The following ZNF131 variants were observed in gnomAD, a reference collection of about 807,000 sequenced individuals.
The protein encoded by ZNF131 is zinc finger and BTB domain containing 35.
In ZNF131, 7 loss-of-function variants were observed where a neutral mutation model predicts 60.0. The observed-to-expected ratio is 0.12, with a 90% CI of 0.07 to 0.22. The LOEUF (loss-of-function observed/expected upper bound fraction) is 0.22, where lower values mean the gene tolerates loss of function less well. ZNF131 is among the 10% of genes least tolerant of loss of function. ZNF131 has a pLI of 1.00. For synonymous variants in ZNF131, 257 were observed against 253.2 expected (o/e 1.01, Z -0.14); for missense variants, 493 against 740.9 (o/e 0.67, Z 3.88).
intron 4 of ZNF131, among the ~76,000 whole-genome samples, chr5:43,158,282 T>C (rs1030780858): frequency 6.7e-6 from 1 of 150,284 alleles, no homozygotes; most frequent in African/African-American, 2.5e-5. Flanking sequence ...TTTTTCTGTT[T>C]TGTTTTGTTT....
At chr5:43,136,650 CTTT>C (rs139991070) in intron 3 of ZNF131, among the ~76,000 whole-genome samples, 65 of 122,520 alleles carry the variant, frequency 5.3e-4, no homozygotes, top group African/African-American at 1.9e-3. Flanking sequence ...TTTTCTTTTT[CTTT>C]TTTTTTTTTT....
intron 4 of ZNF131, among the ~76,000 whole-genome samples, chr5:43,143,082 G>A (rs1322879529): frequency 6.6e-6 from 1 of 150,960 alleles, no homozygotes; most frequent in Non-Finnish European, 1.5e-5. Context: ...GAGTGCAGTG[G>A]CGTGATCTCG....
chr5:43,143,268 G>A (rs770437706), intron 4 of ZNF131: 22 of 627,018 alleles, frequency 3.5e-5, no homozygotes, highest in East Asian at 1.2e-4. Flanking sequence ...TGATCTGCCC[G>A]CCTCTGCCTC....
intron 5 of ZNF131, among the ~76,000 whole-genome samples, chr5:43,165,641 C>A (rs561955866): frequency 1.3e-5 from 2 of 152,290 alleles, no homozygotes; most frequent in African/African-American, 4.8e-5. Context: ...TTTGTTCTTC[C>A]GTTTCTGTAG....
chr5:43,154,414 C>CAAA (rs796301323), intron 4 of ZNF131, among the ~76,000 whole-genome samples: 1 of 127,516 alleles, frequency 7.8e-6, no homozygotes, highest in African/African-American at 2.9e-5. Context: ...ACTCCGTCTC[C>CAAA]AAAAAAAAAA....
intron 4 of ZNF131, among the ~76,000 whole-genome samples, chr5:43,159,036 T>G (rs1749311128): frequency 6.6e-6 from 1 of 152,184 alleles, no homozygotes; most frequent in Non-Finnish European, 1.5e-5. Context: ...ATAAATTTCA[T>G]TTTTATACCA....
chr5:43,121,846 G>T, intron 1 of ZNF131, 193 bp from the exon 2 acceptor site: 1 of 476,640 alleles, frequency 2.1e-6, no homozygotes, highest in Non-Finnish European at 3.6e-6. Flanking sequence ...TCGGAGTCCC[G>T]CGGCCGCGGC....
intron 3 of ZNF131, among the ~76,000 whole-genome samples, chr5:43,132,239 G>A (rs1337002591): frequency 6.6e-6 from 1 of 152,072 alleles, no homozygotes; most frequent in East Asian, 1.9e-4. Context: ...ATATACTAAA[G>A]AATAAATGAA....
intron 5 of ZNF131, among the ~76,000 whole-genome samples, chr5:43,163,103 G>T (rs984641242): frequency 6.7e-6 from 1 of 149,620 alleles, no homozygotes; most frequent in East Asian, 2.1e-4. Context: ...TCCTGAGTAA[G>T]CTGGGACTAC....
chr5:43,173,756 A>G (rs1040852477), intron 6 of ZNF131, among the ~76,000 whole-genome samples: 2 of 147,632 alleles, frequency 1.4e-5, no homozygotes, highest in Middle Eastern at 3.5e-3. Flanking sequence ...TTCCCCCCCC[A>G]TGATTAGTGT....
At chr5:43,147,487 G>A (rs532402326) in intron 4 of ZNF131, among the ~76,000 whole-genome samples, 3 of 151,372 alleles carry the variant, frequency 2.0e-5, no homozygotes, top group African/African-American at 4.8e-5. Flanking sequence ...GCGTGATCTC[G>A]GCTCACTGCG....
intron 3 of ZNF131, among the ~76,000 whole-genome samples, chr5:43,131,096 C>G (rs1013736431): frequency 6.6e-6 from 1 of 151,964 alleles, no homozygotes; most frequent in East Asian, 1.9e-4. Flanking sequence ...AACTCCTGAC[C>G]TCAGGTGATC....
chr5:43,125,132 TAAAG>T (rs1432738739), intron 3 of ZNF131: 1 of 152,078 alleles, frequency 6.6e-6, no homozygotes, highest in East Asian at 1.9e-4. Flanking sequence ...AGATGTCCCT[TAAAG>T]AAGTCGGAAA....
At chr5:43,126,129 C>T (rs780137714) in intron 3 of ZNF131, among the ~76,000 whole-genome samples, 12 of 152,130 alleles carry the variant, frequency 7.9e-5, no homozygotes, top group Admixed American at 5.9e-4. Flanking sequence ...GAGTTTTAGC[C>T]CTGGCTTTAA....
intron 4 of ZNF131, among the ~76,000 whole-genome samples, chr5:43,142,428 C>T (rs1484732931): frequency 2.0e-5 from 3 of 150,152 alleles, no homozygotes; most frequent in Admixed American, 6.6e-5. Flanking sequence ...CTCAGCCTCC[C>T]GAGTAGCTGT....
chr5:43,141,644 TG>T (rs1287695153), intron 4 of ZNF131, among the ~76,000 whole-genome samples: 1 of 151,936 alleles, frequency 6.6e-6, no homozygotes, highest in African/African-American at 2.4e-5. Context: ...GGCGTGCAAC[TG>T]TAGTCCCAGG....
intron 6 of ZNF131, 45 bp from the exon 7 acceptor site, chr5:43,174,402 G>T: frequency 6.9e-7 from 1 of 1,452,726 alleles, no homozygotes; most frequent in Non-Finnish European, 9.1e-7. Context: ...ATTTCCTTCA[G>T]TTTGGATATA....
intron 5 of ZNF131, chr5:43,173,015 C>G (rs1430415851): frequency 5.2e-6 from 1 of 191,744 alleles, no homozygotes; most frequent in Non-Finnish European, 1.1e-5. Context: ...AGAGATTGAT[C>G]ATGATTTTTA....
chr5:43,173,812 A>T (rs1751279892), intron 6 of ZNF131, among the ~76,000 whole-genome samples: 1 of 152,228 alleles, frequency 6.6e-6, no homozygotes, highest in African/African-American at 2.4e-5. Flanking sequence ...TTTGATATAA[A>T]AATACAAAAA....
Sources: allele counts gnomAD v4.1 joint callset (sites outside exome capture counted in the v4.1 genomes callset), GRCh38; gene constraint gnomAD v4.1.1; transcripts MANE v1.5; gene names NCBI Gene and HGNC (gene_info 2026-07-23, HGNC 2026-07-21).